NHS: variants seen among roughly 807,000 people sequenced by gnomAD.
NHS encodes NHS actin remodeling regulator, also known as actin remodeling regulator NHS.
NHS carries 5 observed loss-of-function variants against 72.5 expected under a neutral mutation model. That is an observed-to-expected ratio of 0.07 (90% CI 0.04 to 0.14). The LOEUF (loss-of-function observed/expected upper bound fraction) is 0.14. Ranked by LOEUF, NHS falls within the 10% of genes least tolerant of loss-of-function variation. The probability of loss-of-function intolerance (pLI) is 1.00; values close to 1 mark genes in which losing one functional copy is unlikely to be tolerated. For missense variants in NHS, 1,072 were observed against 1,355.7 expected, an observed-to-expected ratio of 0.79 and a Z score of 3.29; for synonymous variants, 464 against 547.7, an observed-to-expected ratio of 0.85 and a Z score of 2.13.
At chrX:17,570,206 GAA>G (rs1387929481) in intron 1 of NHS, among the ~76,000 whole-genome samples, 1 of 112,084 alleles carries the variant, frequency 8.9e-6, no homozygotes, top group Admixed American at 9.5e-5. Flanking sequence ...ATTCTGTGAA[GAA>G]AGTCAGTGGT....
intron 1 of NHS, among the ~76,000 whole-genome samples, chrX:17,436,139 T>A (rs1392647717): frequency 1.8e-5 from 2 of 111,879 alleles, no homozygotes; most frequent in Non-Finnish European, 1.9e-5. Flanking sequence ...TGTTTTTTTG[T>A]TGTTGTTGTT....
In NHS at chrX:17,376,008, C is replaced by T; in HGVS notation, c.251C>T (p.Pro84Leu). The change falls in exon 1 of 9, where the codon CCG (proline) becomes CTG (leucine). Residue 84 changes from proline (P) to leucine (L), a missense_variant. Physicochemically the swap from Pro to Leu is moderately conservative, Grantham distance 98 (BLOSUM62 -3). Transcript: ENST00000676302. ...GCGCCGGCCGACCAGACTCAGCCGC[C>T]GCACGGAGAGGCGTCCGTGGCTGGC... ...LPAPADQTQP[P>L]HGEASVAGEE... The T allele has an allele frequency of 9.2e-7, 1 of 1,083,672 alleles. No homozygotes were observed. The highest frequency in any genetic ancestry group is 1.2e-6 in the Non-Finnish European group (1 of 836,985). The allele number at this position is 1,083,672 out of a possible 1,213,427, so 89.3% of individuals were successfully genotyped here.
At chrX:17,493,332 C>G (rs2064999380) in intron 1 of NHS, among the ~76,000 whole-genome samples, 1 of 112,180 alleles carries the variant, frequency 8.9e-6, no homozygotes, top group African/African-American at 3.2e-5. Flanking sequence ...GTCAGTGTCC[C>G]AGAAGTGTGG....
chrX:17,658,602 A>G (rs992268244), intron 1 of NHS, among the ~76,000 whole-genome samples: 13 of 112,115 alleles, frequency 1.2e-4, no homozygotes, highest in African/African-American at 4.2e-4. Flanking sequence ...GGAGACTTGC[A>G]CACAGTTGCT....
At chrX:17,403,303 A>T in intron 1 of NHS, among the ~76,000 whole-genome samples, 1 of 112,184 alleles carries the variant, frequency 8.9e-6, no homozygotes, top group Non-Finnish European at 1.9e-5. Flanking sequence ...CAGTCTACTT[A>T]TGTGTCCAGG....
At chrX:17,595,319 T>C (rs914893370) in intron 1 of NHS, among the ~76,000 whole-genome samples, 1 of 111,887 alleles carries the variant, frequency 8.9e-6, no homozygotes, top group African/African-American at 3.3e-5. Context: ...CATCTGCTGC[T>C]GAAGTCCTCC....
intron 1 of NHS, among the ~76,000 whole-genome samples, chrX:17,573,269 G>A (rs2065491765): frequency 9.0e-6 from 1 of 111,628 alleles, no homozygotes; most frequent in African/African-American, 3.3e-5. Context: ...ATCCTGAAGA[G>A]TGTTTTCTAA....
At chrX:17,724,254 TG>T in intron 5 of NHS, 44 bp from the exon 6 acceptor site, 1 of 1,208,757 alleles carries the variant, frequency 8.3e-7, no homozygotes, top group Non-Finnish European at 1.1e-6. Flanking sequence ...AATGAAAATT[TG>T]TTTGCCATTT....
intron 2 of NHS, among the ~76,000 whole-genome samples, chrX:17,690,098 TGCGGTTG>T (rs1490959060): frequency 2.7e-5 from 3 of 111,997 alleles, no homozygotes; most frequent in African/African-American, 9.7e-5. Flanking sequence ...TGGCTTGTTT[TGCGGTTG>T]GCTCAATAGC....
intron 1 of NHS, among the ~76,000 whole-genome samples, chrX:17,630,839 T>C (rs954699428): frequency 4.5e-5 from 5 of 111,817 alleles, no homozygotes; most frequent in Non-Finnish European, 9.4e-5. Flanking sequence ...TGACTGCACC[T>C]CAGAATCACC....
chrX:17,414,875 G>A (rs1475972640), intron 1 of NHS, among the ~76,000 whole-genome samples: 1 of 111,503 alleles, frequency 9.0e-6, no homozygotes, highest in Non-Finnish European at 1.9e-5. Context: ...AGAGGCAGAG[G>A]AAAGAAAGAT....
intron 1 of NHS, among the ~76,000 whole-genome samples, chrX:17,519,428 C>A (rs2065136746): frequency 8.9e-6 from 1 of 112,021 alleles, no homozygotes; most frequent in Non-Finnish European, 1.9e-5. Flanking sequence ...TGAAATGTGT[C>A]TTTCCATTGT....
chrX:17,537,106 A>G (rs1169637057), intron 1 of NHS, among the ~76,000 whole-genome samples: 2 of 112,408 alleles, frequency 1.8e-5, no homozygotes, highest in Non-Finnish European at 3.8e-5. Flanking sequence ...ACCAATTTAC[A>G]AAAAAAGGAT....
chrX:17,408,100 C>T (rs1442568942), intron 1 of NHS, among the ~76,000 whole-genome samples: 1 of 111,308 alleles, frequency 9.0e-6, no homozygotes, highest in Non-Finnish European at 1.9e-5. Flanking sequence ...ACCTCCACCT[C>T]CTGGACTCAG....
intron 1 of NHS, among the ~76,000 whole-genome samples, chrX:17,390,071 C>CT (rs943842709): frequency 8.9e-6 from 1 of 111,926 alleles, no homozygotes; most frequent in African/African-American, 3.2e-5. Flanking sequence ...GACAAAATTG[C>CT]TTAGAATTGG....
At chrX:17,708,761 CAT>C (rs1231221962) in intron 3 of NHS, among the ~76,000 whole-genome samples, 4 of 110,940 alleles carry the variant, frequency 3.6e-5, no homozygotes, top group East Asian at 2.8e-4. Flanking sequence ...AGTGTATACA[CAT>C]GAGTTCAAAT....
intron 1 of NHS, among the ~76,000 whole-genome samples, chrX:17,501,138 G>A (rs938696621): frequency 2.7e-5 from 3 of 110,545 alleles, no homozygotes; most frequent in Non-Finnish European, 5.7e-5. Flanking sequence ...AGGAGATTGA[G>A]GAGGGAGGAT....
intron 3 of NHS, among the ~76,000 whole-genome samples, chrX:17,708,126 A>C (rs887759135): frequency 6.2e-5 from 7 of 112,040 alleles, no homozygotes; most frequent in African/African-American, 2.3e-4. Flanking sequence ...TGTATCTCAG[A>C]TAATTTGCTC....
intron 1 of NHS, among the ~76,000 whole-genome samples, chrX:17,645,260 T>C (rs1028629720): frequency 5.4e-5 from 6 of 111,984 alleles, no homozygotes; most frequent in African/African-American, 1.6e-4. Flanking sequence ...CCAGTATTAT[T>C]TTCCACTCTT....
Sources: allele counts gnomAD v4.1 joint callset (sites outside exome capture counted in the v4.1 genomes callset), GRCh38; gene constraint gnomAD v4.1.1; transcripts MANE v1.5; gene names NCBI Gene and HGNC (gene_info 2026-07-23, HGNC 2026-07-21).